Variants in ACBD6 observed in about 807,000 individuals in gnomAD.
ACBD6 encodes acyl-CoA binding domain containing 6.
ACBD6 carries 28 observed loss-of-function variants against 37.2 expected under a neutral mutation model. The ratio of observed to expected loss-of-function variants is 0.75; its 90% CI spans 0.56 to 1.03. ACBD6 has a LOEUF of 1.03. Ranked by LOEUF, ACBD6 falls within the 50% of genes least tolerant of loss-of-function variation. The pLI is 0.00. For missense variants in ACBD6, 340 were observed against 337.4 expected (o/e 1.01, Z -0.06); for synonymous variants, 113 against 126.8 (o/e 0.89, Z 0.73).
chr1:180,454,021 C>T (rs959407747), intron 3 of ACBD6, among the ~76,000 whole-genome samples: 1 of 152,142 alleles, frequency 6.6e-6, no homozygotes, highest in Non-Finnish European at 1.5e-5. Context: ...TTAGAAAAAA[C>T]TACCTTAAAT....
intron 3 of ACBD6, among the ~76,000 whole-genome samples, chr1:180,453,848 C>A (rs1640552681): frequency 6.6e-6 from 1 of 152,104 alleles, no homozygotes; most frequent in Admixed American, 6.5e-5. Flanking sequence ...TGTGAAGGAC[C>A]TCTTCAAAGA....
At position 180,326,953 on chromosome 1, in the gene ACBD6, G is replaced by T. The variant is rs139540557; in HGVS notation, c.664-12231C>A. On this transcript the variant is annotated intron_variant, in intron 6 of 7. Transcript: ENST00000367595. ...TAAGACAAAGTCCTCCTTACTCTTT[G>T]CTCTCCTCTTCTCAAACAGAAGGAA... is the stretch of plus-strand genomic sequence containing the variant. Among the ~76,000 whole-genome samples, 5 of 152,180 alleles carry T rather than the reference G, an allele frequency of 3.3e-5. No individual in the cohort carries two copies. The East Asian group carries it at 9.7e-4, about 29-fold the overall frequency.
At chr1:180,333,827 C>T (rs560950247) in intron 6 of ACBD6, among the ~76,000 whole-genome samples, 1 of 152,350 alleles carries the variant, frequency 6.6e-6, no homozygotes, top group East Asian at 1.9e-4. Flanking sequence ...TAATACTGCA[C>T]TTTTCCAATG....
At chr1:180,404,380 T>C (rs924224599) in intron 5 of ACBD6, among the ~76,000 whole-genome samples, 2 of 152,182 alleles carry the variant, frequency 1.3e-5, no homozygotes, top group Non-Finnish European at 2.9e-5. Context: ...AGCCTAGTCT[T>C]AAACTCCTGC....
intron 4 of ACBD6, among the ~76,000 whole-genome samples, chr1:180,416,983 T>A (rs1042342451): frequency 4.6e-5 from 7 of 152,106 alleles, no homozygotes; most frequent in Non-Finnish European, 7.4e-5. Context: ...CAACTGGAAA[T>A]CAGATATAAA....
At chr1:180,470,029 T>C (rs7523857) in intron 3 of ACBD6, among the ~76,000 whole-genome samples, 73,979 of 152,030 alleles carry the variant, frequency 0.49, 20,819 homozygotes, top group South Asian at 0.66. Context: ...AAAAGACTAA[T>C]ACAAATAGAA....
chr1:180,363,788 A>G (rs1652934238), intron 6 of ACBD6, among the ~76,000 whole-genome samples: 1 of 152,216 alleles, frequency 6.6e-6, no homozygotes, highest in African/African-American at 2.4e-5. Context: ...CTCCTCCCAC[A>G]GCAGCCAGGG....
chr1:180,329,837 T>C (rs939945614), intron 6 of ACBD6, among the ~76,000 whole-genome samples: 1 of 152,170 alleles, frequency 6.6e-6, no homozygotes, highest in Non-Finnish European at 1.5e-5. Flanking sequence ...ATGGGTAACA[T>C]GTCTTTGGAC....
chr1:180,389,661 C>A (rs1289271715), intron 6 of ACBD6, among the ~76,000 whole-genome samples: 1 of 152,204 alleles, frequency 6.6e-6, no homozygotes, highest in Non-Finnish European at 1.5e-5. Flanking sequence ...TCTCTAGCAC[C>A]TGTTGTTTCC....
intron 3 of ACBD6, among the ~76,000 whole-genome samples, chr1:180,460,293 G>A (rs565469612): frequency 4.4e-4 from 67 of 152,250 alleles, no homozygotes; most frequent in African/African-American, 1.5e-3. Flanking sequence ...CAAAGTTCCC[G>A]GCGTAGGGGC....
chr1:180,420,812 A>G (rs1237780304), intron 4 of ACBD6, among the ~76,000 whole-genome samples: 2 of 152,138 alleles, frequency 1.3e-5, no homozygotes, highest in Admixed American at 6.5e-5. Context: ...ACAGTTTTAT[A>G]GGTAAGTATA....
At chr1:180,380,528 AG>A (rs768097907) in intron 6 of ACBD6, among the ~76,000 whole-genome samples, 4 of 152,278 alleles carry the variant, frequency 2.6e-5, no homozygotes, top group Non-Finnish European at 5.9e-5. Flanking sequence ...GCAAAAGCTG[AG>A]GGAATTCATC....
chr1:180,333,649 G>GA (rs1184219687), intron 6 of ACBD6, among the ~76,000 whole-genome samples: 3 of 152,242 alleles, frequency 2.0e-5, no homozygotes, highest in Non-Finnish European at 2.9e-5. Flanking sequence ...TCTCACTGGG[G>GA]AGTGTCAGAA....
At chr1:180,486,736 T>C (rs1651278156) in intron 3 of ACBD6, among the ~76,000 whole-genome samples, 1 of 152,216 alleles carries the variant, frequency 6.6e-6, no homozygotes, top group Non-Finnish European at 1.5e-5. Context: ...CAAAAGGAAT[T>C]AACTTCCCAT....
rs142237304 is a variant in ACBD6, at chr1:180,350,147, T to G, written c.664-35425A>C. 2.7e-3 allele frequency among the ~76,000 whole-genome samples: 405 copies of G among 150,690 alleles called. 3 individuals carry two copies. Among genetic ancestry groups the G allele is most frequent in the African/African-American group, 9.5e-3 (389 of 40,904 alleles). ...CTCAAGCGATCTCCCTGCCTCAGCC[T>G]CCAAAGTAGCTGGGACTATAAATGC... On this transcript the variant is annotated intron_variant, in intron 6 of 7. Transcript: ENST00000367595.
At chr1:180,308,850 C>T (rs980445536) in intron 7 of ACBD6, among the ~76,000 whole-genome samples, 77 of 152,144 alleles carry the variant, frequency 5.1e-4, no homozygotes, top group African/African-American at 1.8e-3. Context: ...CTGGGGACAT[C>T]TCTTATCTTA....
chr1:180,401,084 CT>C (rs1647338800), intron 5 of ACBD6, among the ~76,000 whole-genome samples: 1 of 152,046 alleles, frequency 6.6e-6, no homozygotes, highest in Admixed American at 6.5e-5. Context: ...TTTTAAAACT[CT>C]TCTGGAAAAA....
intron 3 of ACBD6, among the ~76,000 whole-genome samples, chr1:180,454,628 T>C (rs971294819): frequency 7.9e-5 from 12 of 152,120 alleles, no homozygotes; most frequent in African/African-American, 2.7e-4. Flanking sequence ...TCTATCCATC[T>C]GACAAAGGGC....
At chr1:180,465,489 A>T (rs1650314095) in intron 3 of ACBD6, among the ~76,000 whole-genome samples, 2 of 152,206 alleles carry the variant, frequency 1.3e-5, no homozygotes, top group African/African-American at 4.8e-5. Flanking sequence ...CAACATGACC[A>T]TTATGAAAAA....
Sources: gnomAD v4.1 joint callset for allele counts (sites outside exome capture counted in the v4.1 genomes callset) on GRCh38, gnomAD v4.1.1 for gene constraint, MANE v1.5 for transcripts, NCBI Gene and HGNC (gene_info 2026-07-23, HGNC 2026-07-21) for gene names.